SPTLC2: variants seen among roughly 807,000 people sequenced by gnomAD.
SPTLC2 encodes serine palmitoyltransferase long chain base subunit 2.
Under a neutral mutation model 62.0 loss-of-function variants are expected in SPTLC2, and 21 were observed. That is an observed-to-expected ratio of 0.34 (90% confidence interval 0.24 to 0.49). The LOEUF is 0.49. Among genes scored for constraint, SPTLC2 ranks in the 20% least tolerant of loss-of-function variants. The pLI is 0.99. For synonymous variants in SPTLC2, 261 were observed against 261.8 expected (o/e 1.00, Z 0.03); for missense variants, 511 against 713.0 (o/e 0.72, Z 3.23).
intron 1 of SPTLC2, among the ~76,000 whole-genome samples, chr14:77,598,665 C>T (rs1467031553): frequency 6.6e-6 from 1 of 152,112 alleles, no homozygotes; most frequent in African/African-American, 2.4e-5. Flanking sequence ...GGTGCAGTGG[C>T]GCATGCCTGT....
intron 10 of SPTLC2, among the ~76,000 whole-genome samples, chr14:77,519,815 GGGTGCCCTGTATCTTCAGC>G (rs2079377229): frequency 6.6e-6 from 1 of 152,084 alleles, no homozygotes; most frequent in Non-Finnish European, 1.5e-5. Context: ...GCATGAACCT[GGGTGCCCTGTATCTTCAGC>G]ACATGCTCCC....
chr14:77,586,964 A>G (rs1329198938), intron 2 of SPTLC2, among the ~76,000 whole-genome samples: 2 of 152,140 alleles, frequency 1.3e-5, no homozygotes, highest in Non-Finnish European at 2.9e-5. Flanking sequence ...AGTGGCTCAC[A>G]CCTGTAATCC....
intron 9 of SPTLC2, among the ~76,000 whole-genome samples, chr14:77,525,644 C>T (rs142076608): frequency 6.3e-4 from 96 of 151,710 alleles, no homozygotes; most frequent in Non-Finnish European, 9.4e-4. Context: ...GGCATGGTGG[C>T]TCACGCCTGT....
At chr14:77,610,642 G>A (rs922180607) in intron 1 of SPTLC2, among the ~76,000 whole-genome samples, 4 of 151,954 alleles carry the variant, frequency 2.6e-5, no homozygotes, top group African/African-American at 4.8e-5. Context: ...CAGTACAACC[G>A]CATATTTCAC....
At chr14:77,515,596 C>A (rs2079354962) in intron 11 of SPTLC2, among the ~76,000 whole-genome samples, 1 of 138,424 alleles carries the variant, frequency 7.2e-6, no homozygotes, top group African/African-American at 2.9e-5. Flanking sequence ...GTCGCCCGGG[C>A]TGGAGTGCAG....
rs115635830 is a variant in SPTLC2 at position 77,573,773 on chromosome 14, G to A, written c.631+2994C>T. On this transcript the variant is annotated intron_variant, in intron 4 of 11. Coordinates refer to ENST00000216484, the MANE Select transcript of SPTLC2 (RefSeq NM_004863.4). The stretch of plus-strand genomic sequence containing the variant: ...CTCCCGAGTGGCTGGGATTACAGGC[G>A]TGCACCTTCCATCACGCCCAGCTAA... Among the ~76,000 whole-genome samples the A allele has an allele frequency of 6.3e-3, 960 of 152,124 alleles. 6 individuals are homozygous for A. Among genetic ancestry groups the A allele is most frequent in the African/African-American group, 0.022 (923 of 41,496 alleles).
intron 11 of SPTLC2, among the ~76,000 whole-genome samples, chr14:77,514,376 C>T (rs991255863): frequency 2.6e-5 from 4 of 152,122 alleles, no homozygotes; most frequent in African/African-American, 2.4e-5. Context: ...TCAGACAAAT[C>T]GGTGTCATGT....
chr14:77,555,191 G>A (rs1770298682), intron 8 of SPTLC2, 109 bp downstream of exon 8: 1 of 1,260,150 alleles, frequency 7.9e-7, no homozygotes, highest in Non-Finnish European at 1.2e-6. Flanking sequence ...CTAAACCAGA[G>A]GCAAATTTGC....
At chr14:77,570,238 A>G in intron 5 of SPTLC2, 146 bp downstream of exon 5, 1 of 1,172,422 alleles carries the variant, frequency 8.5e-7, no homozygotes, top group Non-Finnish European at 1.2e-6. Context: ...AAAAAAAAAA[A>G]AAGAAAAACA....
chr14:77,527,869 G>C (rs2079417106), intron 9 of SPTLC2, among the ~76,000 whole-genome samples: 1 of 152,162 alleles, frequency 6.6e-6, no homozygotes, highest in Non-Finnish European at 1.5e-5. Context: ...CATGCACTCA[G>C]CTGCTTCAGT....
At chr14:77,517,225 A>G (rs2079363549) in intron 11 of SPTLC2, among the ~76,000 whole-genome samples, 1 of 152,216 alleles carries the variant, frequency 6.6e-6, no homozygotes, top group Non-Finnish European at 1.5e-5. Context: ...CCTGGGCAAC[A>G]AGGGCAAAAC....
intron 1 of SPTLC2, among the ~76,000 whole-genome samples, chr14:77,597,979 G>T (rs954713132): frequency 2.0e-5 from 3 of 151,896 alleles, no homozygotes; most frequent in African/African-American, 7.3e-5. Context: ...AAAACTAGGT[G>T]GGTGTGGTGG....
chr14:77,566,521 A>C (rs1387722817), intron 5 of SPTLC2, among the ~76,000 whole-genome samples: 1 of 152,232 alleles, frequency 6.6e-6, no homozygotes, highest in Non-Finnish European at 1.5e-5. Context: ...GCTGGAGTGC[A>C]TCGGCGCAAT....
chr14:77,527,653 C>A (rs1368872180), intron 9 of SPTLC2, among the ~76,000 whole-genome samples: 4 of 152,104 alleles, frequency 2.6e-5, no homozygotes, highest in Non-Finnish European at 5.9e-5. Flanking sequence ...TATATTATTA[C>A]TGAAATAAAC....
intron 9 of SPTLC2, among the ~76,000 whole-genome samples, chr14:77,535,440 C>T (rs879244688): frequency 6.6e-6 from 1 of 152,052 alleles, no homozygotes; most frequent in Admixed American, 6.6e-5. Context: ...GATCTCCCAT[C>T]AGGATCACAC....
intron 1 of SPTLC2, among the ~76,000 whole-genome samples, chr14:77,601,334 A>G (rs1277438203): frequency 2.0e-5 from 3 of 152,174 alleles, no homozygotes; most frequent in Non-Finnish European, 4.4e-5. Flanking sequence ...CCCACCCTTA[A>G]GAAGGTTCTT....
At chr14:77,516,628 CAAAAT>C (rs2079360865) in intron 11 of SPTLC2, among the ~76,000 whole-genome samples, 1 of 151,496 alleles carries the variant, frequency 6.6e-6, no homozygotes, top group Non-Finnish European at 1.5e-5. Context: ...CAGGCATAAT[CAAAAT>C]AAAGAAAAAA....
chr14:77,575,584 T>A (rs903912541), intron 4 of SPTLC2, among the ~76,000 whole-genome samples: 1 of 152,170 alleles, frequency 6.6e-6, no homozygotes, highest in Non-Finnish European at 1.5e-5. Context: ...TGGGCTAGGG[T>A]GCAGTAGCAC....
At chr14:77,525,079 C>T (rs768157541) in intron 9 of SPTLC2, among the ~76,000 whole-genome samples, 3 of 152,036 alleles carry the variant, frequency 2.0e-5, no homozygotes, top group Non-Finnish European at 2.9e-5. Context: ...ATATTTGATA[C>T]CGTATGCATC....
Sources: allele counts gnomAD v4.1 joint callset (sites outside exome capture counted in the v4.1 genomes callset), GRCh38; gene constraint gnomAD v4.1.1; transcripts MANE v1.5; gene names NCBI Gene and HGNC (gene_info 2026-07-23, HGNC 2026-07-21).